Variants in SCN4A observed in about 807,000 individuals in gnomAD.
SCN4A encodes sodium channel protein type 4 subunit alpha.
Under a neutral mutation model 162.0 loss-of-function variants are expected in SCN4A, and 83 were observed. That is an observed-to-expected ratio of 0.51 (90% CI 0.43 to 0.61). The LOEUF is 0.61. SCN4A is among the 20% of genes least tolerant of loss of function. The pLI is 0.00. For synonymous variants in SCN4A, 944 were observed against 985.1 expected, an observed-to-expected ratio of 0.96 and a Z score of 0.78; for missense variants, 2,196 against 2,462.5, an observed-to-expected ratio of 0.89 and a Z score of 2.29.
chr17:63,948,571 T>C, intron 16 of SCN4A, 40 bp downstream of exon 16: 2 of 1,589,648 alleles, frequency 1.3e-6, no homozygotes, highest in African/African-American at 1.3e-5. Flanking sequence ...GCTGTGGGCC[T>C]GGCCCCTGCC....
At position 63,971,737 on chromosome 17, in the gene SCN4A, C is replaced by A; in HGVS notation, c.596G>T (p.Ser199Ile). ...CCCTGCTCACGCCATCATGATGACACTGAAGTCCAGCCAGTTCCAGGGGTC... is the reference window on the plus strand; with the variant it reads ...CCCTGCTCACGCCATCATGATGACAATGAAGTCCAGCCAGTTCCAGGGGTC... Reference protein sequence around the residue: ...LRDPWNWLDFSVIMMAYLTEF... With the variant: ...LRDPWNWLDFIVIMMAYLTEF... The change falls in exon 4 of 24, where the codon AGT (serine) becomes ATT (isoleucine). Residue 199 changes from serine to isoleucine, a missense_variant. Physicochemically the swap from Ser to Ile is moderately radical, Grantham distance 142 (BLOSUM62 -2). Coordinates refer to ENST00000435607, the MANE Select transcript of SCN4A (RefSeq NM_000334.4). The A allele has an allele frequency of 5.0e-6, 8 of 1,602,840 alleles. No individual in the cohort carries two copies. The highest frequency in any genetic ancestry group is 6.8e-6 in the Non-Finnish European group (8 of 1,174,810).
chr17:63,941,542 G>A lies in SCN4A; in HGVS notation c.4740C>T (p.Ser1580=), dbSNP rs1317794063. The change falls in exon 24 of 24, where the codon AGC becomes AGT. Residue 1580 remains serine, a synonymous_variant. Transcript: ENST00000435607. This position sits in a 1 kb window ranked among gnomAD's most constrained non-coding sequence, Gnocchi z 6.2. ...NPSIGICFFC[S]YIIISFLIVV... is the part of the protein sequence containing the mutation. ...CGATGAGGAAGGAGATGATGATATA[G>A]CTGCAGAAGAAGCAGATGCCGATGG... The A allele has an allele frequency of 1.2e-6, 2 of 1,614,126 alleles. No homozygotes were observed. The highest frequency in any genetic ancestry group is 1.7e-6 in the Non-Finnish European group (2 of 1,180,022).
chr17:63,971,118 G>T (rs1455595449), intron 5 of SCN4A, 44 bp downstream of exon 5: 1 of 1,271,738 alleles, frequency 7.9e-7, no homozygotes, highest in South Asian at 1.3e-5. Context: ...CATGGTACGG[G>T]GGTCTCTCAG....
chr17:63,951,359 A>G lies in SCN4A; in HGVS notation c.2853+65T>C. 1 of 1,145,830 alleles carries G rather than the reference A, an allele frequency of 8.7e-7. No homozygotes were observed. The highest frequency in any genetic ancestry group is 1.2e-6 in the Non-Finnish European group (1 of 802,630). 71.0% of individuals were successfully genotyped at this position (1,145,830 alleles called of 1,614,324 possible). On this transcript the variant is annotated intron_variant, in intron 14 of 23. Coordinates refer to ENST00000435607, the MANE Select transcript of SCN4A (RefSeq NM_000334.4). This position sits in a 1 kb window ranked among gnomAD's most constrained non-coding sequence, Gnocchi z 4.5. ...AGAAACTGAGGCTCAGAGAGGACTT[A>G]GGGCTTGCTCCAGGTCACAGGAGAA... is the stretch of plus-strand genomic sequence containing the variant.
intron 13 of SCN4A, among the ~76,000 whole-genome samples, chr17:63,952,679 T>C (rs535246011): frequency 1.3e-5 from 2 of 152,268 alleles, no homozygotes; most frequent in African/African-American, 4.8e-5. Flanking sequence ...TTTTCTCCTC[T>C]TGGGGTTTCC....
intron 13 of SCN4A, among the ~76,000 whole-genome samples, chr17:63,952,758 C>T (rs534627029): frequency 1.3e-5 from 2 of 152,144 alleles, no homozygotes; most frequent in African/African-American, 4.8e-5. Context: ...GCTGCTCCCC[C>T]CCAGCACCCC....
rs756245281 is a variant in SCN4A at position 63,943,100 on chromosome 17, C to A, written c.4018-4G>T. ...ACACCATGCCCTGGATCTTGTTCTG[C>A]AGCATGGGTGGGAGTGGATGTGGAG... On this transcript the variant is annotated splice_region_variant and splice_polypyrimidine_tract_variant and intron_variant, in intron 22 of 23. Coordinates refer to ENST00000435607, the MANE Select transcript of SCN4A (RefSeq NM_000334.4). 5 of 1,607,158 alleles carry A rather than the reference C, an allele frequency of 3.1e-6. No individual in the cohort carries two copies. In the African/African-American group the frequency reaches 6.7e-5, roughly 21 times the overall value.
At chr17:63,968,602 G>A (rs911071705) in intron 5 of SCN4A, among the ~76,000 whole-genome samples, 1 of 152,190 alleles carries the variant, frequency 6.6e-6, no homozygotes, top group Non-Finnish European at 1.5e-5. Flanking sequence ...CTGATGGGCT[G>A]TTGCCTGACC....
chr17:63,958,855 TAA>T (rs1909156014), intron 12 of SCN4A, among the ~76,000 whole-genome samples: 1 of 152,152 alleles, frequency 6.6e-6, no homozygotes, highest in Non-Finnish European at 1.5e-5. Flanking sequence ...GTCCAGCTGA[TAA>T]AGTTTTAAAA....
In SCN4A at chr17:63,961,268, G is replaced by A; in HGVS notation, c.1770C>T (p.Leu590=). 1.9e-6 allele frequency: 3 copies of A among 1,591,670 alleles called. No individual in the cohort carries two copies. Among genetic ancestry groups the A allele is most frequent in the Non-Finnish European group, 2.6e-6 (3 of 1,166,328 alleles). The part of the protein sequence containing the change: ...VDLGITICIV[L]NTLFMAMEHY... ...GTTCCATGGCCATGAAGAGGGTGTT[G>A]AGCACGATGCAGATGGTGATGCCCA... The change falls in exon 11 of 24, where the codon CTC becomes CTT. Residue 590 remains leucine, a synonymous_variant. Transcript: ENST00000435607.
intron 11 of SCN4A, among the ~76,000 whole-genome samples, chr17:63,960,373 C>T (rs573042309): frequency 6.6e-5 from 10 of 152,358 alleles, no homozygotes; most frequent in African/African-American, 1.9e-4. Flanking sequence ...ATAGGACAGA[C>T]GTGCCTGCCT....
intron 8 of SCN4A, among the ~76,000 whole-genome samples, chr17:63,965,555 C>G (rs888111155): frequency 6.6e-6 from 1 of 152,180 alleles, no homozygotes; most frequent in Admixed American, 6.5e-5. Context: ...ATGGCGTGGT[C>G]TCGGCTCACT....
Position 63,948,745 on chromosome 17 carries a change from AGGG to A in SCN4A, c.3007_3009del (p.Pro1003del). The A allele has an allele frequency of 1.9e-6, 3 of 1,611,968 alleles. No homozygotes were observed. Among genetic ancestry groups the A allele is most frequent in the Non-Finnish European group, 2.5e-6 (3 of 1,178,936 alleles). ...CCCTGGGAGATGTCCACGTAGAGGCAGGGCCAGCGCTGCACGCAGGCTGATGGG... is the reference window on the plus strand; with the variant it reads ...CCCTGGGAGATGTCCACGTAGAGGCACCAGCGCTGCACGCAGGCTGATGGG... On this transcript the variant is annotated inframe_deletion, in exon 16 of 24. Coordinates refer to ENST00000435607, the MANE Select transcript of SCN4A (RefSeq NM_000334.4).
intron 12 of SCN4A, among the ~76,000 whole-genome samples, chr17:63,957,733 G>A (rs1354114859): frequency 6.6e-6 from 1 of 152,156 alleles, no homozygotes; most frequent in Non-Finnish European, 1.5e-5. Flanking sequence ...GCCAGGCGCG[G>A]TGGCTCACGC....
chr17:63,942,057 G>A (rs940018632), intron 23 of SCN4A, 64 bp from the exon 24 acceptor site: 7 of 1,456,306 alleles, frequency 4.8e-6, no homozygotes, highest in Non-Finnish European at 5.5e-6. Flanking sequence ...GGTGTGGGGA[G>A]CATGCGGGGC....
In SCN4A at chr17:63,971,697, AGGATGTCCT is replaced by A. The variant is rs998172315; in HGVS notation, c.611+16_611+24del. The A allele has an allele frequency of 5.1e-6, 8 of 1,561,208 alleles. No homozygotes were observed. Among genetic ancestry groups the A allele is most frequent in the Non-Finnish European group, 6.9e-6 (8 of 1,152,904 alleles). On this transcript the variant is annotated intron_variant, in intron 4 of 23. Transcript: ENST00000435607. ...CCCTCCCCTCACCCACCCCAGCCTC[AGGATGTCCT>A]GGGGCCCCTGCTCACGCCATCATGA...
At position 63,943,864 on chromosome 17, in the gene SCN4A, G is replaced by A. The variant is rs1908627335; in HGVS notation, c.3913-14C>T. The A allele has an allele frequency of 6.5e-7, 1 of 1,539,802 alleles. No individual in the cohort carries two copies. Among genetic ancestry groups the A allele is most frequent in the Non-Finnish European group, 9.0e-7 (1 of 1,112,548 alleles). ...TTTCCCCCCTAAGTATAGTGGGATA[G>A]GGCTTGTCAGGTTGAGGTGCAGTTC... is the stretch of plus-strand genomic sequence containing the variant. On this transcript the variant is annotated splice_polypyrimidine_tract_variant and intron_variant, in intron 21 of 23. Coordinates refer to ENST00000435607, the MANE Select transcript of SCN4A (RefSeq NM_000334.4).
intron 16 of SCN4A, among the ~76,000 whole-genome samples, 174 bp from the exon 17 acceptor site, chr17:63,948,237 G>A (rs576254233): frequency 2.6e-5 from 4 of 152,094 alleles, no homozygotes; most frequent in East Asian, 1.9e-4. Context: ...GGATGAGAGC[G>A]TTTCCCAGTG....
chr17:63,966,636 C>CAAT, intron 6 of SCN4A, 92 bp from the exon 7 acceptor site: 2 of 926,706 alleles, frequency 2.2e-6, no homozygotes, highest in Non-Finnish European at 3.5e-6. Flanking sequence ...GACAGGTCTG[C>CAAT]GCGTACCACA....
Sources: allele counts gnomAD v4.1 joint callset (sites outside exome capture counted in the v4.1 genomes callset), GRCh38; gene constraint gnomAD v4.1.1; non-coding constraint Gnocchi (gnomAD v3.1); transcripts MANE v1.5; gene names NCBI Gene and HGNC (gene_info 2026-07-23, HGNC 2026-07-21).